The following HECTD2 variants were observed in gnomAD, a reference collection of about 807,000 sequenced individuals.
HECTD2 encodes probable E3 ubiquitin-protein ligase HECTD2.
In HECTD2, 35 loss-of-function variants were observed where a neutral mutation model predicts 103.2. The ratio of observed to expected loss-of-function variants is 0.34; its 90% CI spans 0.26 to 0.45. HECTD2 has a LOEUF of 0.45. Ranked by LOEUF, HECTD2 falls within the 20% of genes least tolerant of loss-of-function variation. The pLI is 1.00. For missense variants in HECTD2, 596 were observed against 937.4 expected (o/e 0.64, Z 4.76); for synonymous variants, 281 against 329.9 (o/e 0.85, Z 1.61).
chr10:91,421,038 C>T (rs187582380), intron 1 of HECTD2, among the ~76,000 whole-genome samples: 10 of 152,266 alleles, frequency 6.6e-5, no homozygotes, highest in Non-Finnish European at 1.5e-4. Context: ...ATTCTTCCCC[C>T]CCTCAGGCTT....
intron 2 of HECTD2, among the ~76,000 whole-genome samples, chr10:91,438,044 C>T (rs1194493966): frequency 6.6e-6 from 1 of 151,692 alleles, no homozygotes; most frequent in East Asian, 1.9e-4. Flanking sequence ...TCAGGTAGAC[C>T]TTGAAGTTCT....
rs183320969 is a variant in HECTD2, at chr10:91,500,236, A to G, written c.1951-266A>G. 3.3e-5 allele frequency among the ~76,000 whole-genome samples: 5 copies of G among 152,270 alleles called. No homozygotes were observed. In the East Asian group the frequency reaches 9.6e-4, roughly 29 times the overall value. On this transcript the variant is annotated intron_variant, in intron 18 of 20. Transcript: ENST00000298068. ...TGGAGCTTCATGCTGGTTTTTGGAG[A>G]AGAGTAATTTGGATTTGTGCAAAGT...
intron 1 of HECTD2, among the ~76,000 whole-genome samples, chr10:91,418,681 T>C (rs1042759204): frequency 2.0e-5 from 3 of 151,914 alleles, no homozygotes; most frequent in South Asian, 2.1e-4. Context: ...AAAAAAACCA[T>C]ACAAAAAGAG....
chr10:91,504,521 G>C (rs1401553778), intron 20 of HECTD2, among the ~76,000 whole-genome samples: 1 of 152,194 alleles, frequency 6.6e-6, no homozygotes, highest in African/African-American at 2.4e-5. Context: ...GGAAGAAAGG[G>C]TATCAGCAAT....
intron 5 of HECTD2, among the ~76,000 whole-genome samples, chr10:91,477,842 A>G (rs958157425): frequency 5.9e-5 from 9 of 152,172 alleles, no homozygotes; most frequent in African/African-American, 1.9e-4. Context: ...TTAAACTAGA[A>G]TGGTAATATT....
At chr10:91,485,759 G>T in intron 10 of HECTD2, 1 of 153,430 alleles carries the variant, frequency 6.5e-6, no homozygotes, top group Non-Finnish European at 1.4e-5. Context: ...CAGGTTGTAG[G>T]CCATATTTGT....
intron 2 of HECTD2, among the ~76,000 whole-genome samples, chr10:91,443,468 G>A (rs1844451752): frequency 6.6e-6 from 1 of 151,384 alleles, no homozygotes; most frequent in Admixed American, 6.6e-5. Context: ...GTCCCAGAGG[G>A]GCACCTGCCA....
chr10:91,438,533 A>C (rs1844237547), intron 2 of HECTD2, among the ~76,000 whole-genome samples: 1 of 137,330 alleles, frequency 7.3e-6, no homozygotes, highest in Middle Eastern at 3.5e-3. Flanking sequence ...ACAGTGCTGT[A>C]ATAAACATGT....
intron 1 of HECTD2, among the ~76,000 whole-genome samples, chr10:91,415,743 G>T (rs949261997): frequency 7.6e-4 from 116 of 152,306 alleles, no homozygotes; most frequent in African/African-American, 2.8e-3. Context: ...GTTTGAAAAA[G>T]AGCATGTTGT....
intron 2 of HECTD2, among the ~76,000 whole-genome samples, chr10:91,432,864 G>A (rs1225006725): frequency 1.3e-5 from 2 of 151,908 alleles, no homozygotes; most frequent in Non-Finnish European, 2.9e-5. Flanking sequence ...CCCTGAAATA[G>A]CCAGGGAAGA....
Position 91,425,340 on chromosome 10 carries a change from T to C in HECTD2, c.198T>C (p.Val66=). ...CTTTCAGCAGTTTTATTTCAGCTGT[T>C]AGCCCGAAGAAAGAAGCTGCTGAAA... The part of the protein sequence containing the change: ...ISTFSSFISA[V]SPKKEAAENR... The change falls in exon 2 of 21, where the codon GTT becomes GTC. Residue 66 remains valine, a synonymous_variant. Coordinates refer to ENST00000298068, the MANE Select transcript of HECTD2 (RefSeq NM_182765.6). 1 of 1,551,952 alleles carries C rather than the reference T, an allele frequency of 6.4e-7. No homozygotes were observed. Among genetic ancestry groups the C allele is most frequent in the African/African-American group, 1.4e-5 (1 of 73,436 alleles).
chr10:91,438,671 TTAAC>T (rs895982356), intron 2 of HECTD2, among the ~76,000 whole-genome samples: 87 of 152,298 alleles, frequency 5.7e-4, no homozygotes, highest in African/African-American at 2.1e-3. Flanking sequence ...CCACAATGGT[TTAAC>T]TAATTTACAC....
chr10:91,433,764 A>G (rs1843996618), intron 2 of HECTD2, among the ~76,000 whole-genome samples: 1 of 151,898 alleles, frequency 6.6e-6, no homozygotes, highest in African/African-American at 2.4e-5. Flanking sequence ...GTTTGAATCC[A>G]TCTGTTTGTT....
At chr10:91,500,915 C>T (rs944306971) in intron 19 of HECTD2, among the ~76,000 whole-genome samples, 1 of 152,014 alleles carries the variant, frequency 6.6e-6, no homozygotes, top group African/African-American at 2.4e-5. Flanking sequence ...AGTTTAATAG[C>T]ACTATGTTGA....
At chr10:91,493,917 T>C (rs1350398589) in intron 14 of HECTD2, among the ~76,000 whole-genome samples, 3 of 152,052 alleles carry the variant, frequency 2.0e-5, no homozygotes, top group South Asian at 4.1e-4. Flanking sequence ...CTCTTTAATA[T>C]GCCTCCAAAT....
chr10:91,466,094 T>C (rs980017452), intron 5 of HECTD2, among the ~76,000 whole-genome samples: 1 of 152,214 alleles, frequency 6.6e-6, no homozygotes, highest in Non-Finnish European at 1.5e-5. Context: ...TTAACAGTTA[T>C]TGATTCGGTT....
intron 2 of HECTD2, among the ~76,000 whole-genome samples, chr10:91,430,784 C>T (rs1843824815): frequency 2.0e-5 from 3 of 151,998 alleles, no homozygotes; most frequent in African/African-American, 4.8e-5. Flanking sequence ...TCTGCATGTG[C>T]GATGGGTTTC....
At chr10:91,430,764 CA>C (rs1843824156) in intron 2 of HECTD2, among the ~76,000 whole-genome samples, 1 of 151,860 alleles carries the variant, frequency 6.6e-6, no homozygotes, top group Non-Finnish European at 1.5e-5. Flanking sequence ...ATTTTGAGCC[CA>C]TGTCTGTCTC....
intron 18 of HECTD2, among the ~76,000 whole-genome samples, chr10:91,499,953 T>G (rs939702940): frequency 6.6e-5 from 10 of 152,140 alleles, no homozygotes; most frequent in African/African-American, 2.4e-4. Flanking sequence ...GAGCTCTAGT[T>G]AAGTTTTGTT....
Sources: allele counts gnomAD v4.1 joint callset (sites outside exome capture counted in the v4.1 genomes callset), GRCh38; gene constraint gnomAD v4.1.1; transcripts MANE v1.5; gene names NCBI Gene and HGNC (gene_info 2026-07-23, HGNC 2026-07-21).